Variants in NLGN1 observed in about 807,000 individuals in gnomAD.
NLGN1 encodes neuroligin-1.
A neutral mutation model predicts 65.5 loss-of-function variants in NLGN1; 12 were observed. The observed-to-expected ratio is 0.18, with a 90% CI of 0.12 to 0.30. The LOEUF (loss-of-function observed/expected upper bound fraction) is 0.30, where lower values mean the gene tolerates loss of function less well. Among genes scored for constraint, NLGN1 ranks in the 10% least tolerant of loss-of-function variants. The probability of loss-of-function intolerance (pLI) is 1.00; values close to 1 mark genes in which losing one functional copy is unlikely to be tolerated. For synonymous variants in NLGN1, 350 were observed against 359.5 expected, an observed-to-expected ratio of 0.97 and a Z score of 0.30; for missense variants, 750 against 1,007.1, an observed-to-expected ratio of 0.74 and a Z score of 3.46.
intron 4 of NLGN1, among the ~76,000 whole-genome samples, chr3:173,951,904 T>C (rs1177314834): frequency 6.6e-6 from 1 of 152,240 alleles, no homozygotes; most frequent in Non-Finnish European, 1.5e-5. Flanking sequence ...CATAATTTTA[T>C]TATGGCTTAG....
At chr3:173,844,647 C>T (rs1274659960) in intron 4 of NLGN1, among the ~76,000 whole-genome samples, 1 of 152,108 alleles carries the variant, frequency 6.6e-6, no homozygotes, top group Non-Finnish European at 1.5e-5. Context: ...ATTTAGAGTT[C>T]TTGATTTAGG....
rs1336810706 is a variant in NLGN1, at chr3:173,956,189, G to A, written c.646+148357G>A. Among the ~76,000 whole-genome samples, 23 of 152,058 alleles carry A rather than the reference G, an allele frequency of 1.5e-4. No individual in the cohort carries two copies. In the South Asian group the frequency reaches 1.7e-3, roughly 11 times the overall value. ...TGTCTTTTTAAAATAAATAAATCAAGCAGAGAGATGCAAAGGGACTTATTT... is the reference window on the plus strand; with the variant it reads ...TGTCTTTTTAAAATAAATAAATCAAACAGAGAGATGCAAAGGGACTTATTT... On this transcript the variant is annotated intron_variant, in intron 4 of 6. Coordinates refer to ENST00000457714, the Ensembl canonical transcript of NLGN1.
intron 4 of NLGN1, among the ~76,000 whole-genome samples, chr3:174,255,626 TTTC>T (rs1444943782): frequency 7.5e-6 from 1 of 133,728 alleles, no homozygotes; most frequent in East Asian, 2.2e-4. Context: ...TTTCTCTTTC[TTTC>T]TTTTCTTCTA....
intron 4 of NLGN1, among the ~76,000 whole-genome samples, chr3:173,882,292 G>A (rs1331531919): frequency 6.6e-6 from 1 of 152,102 alleles, no homozygotes; most frequent in Non-Finnish European, 1.5e-5. Context: ...TTTGGAGTGG[G>A]AATTGGCTTC....
intron 4 of NLGN1, among the ~76,000 whole-genome samples, chr3:174,050,331 T>C (rs1440631618): frequency 6.6e-6 from 1 of 152,088 alleles, no homozygotes; most frequent in Non-Finnish European, 1.5e-5. Context: ...ATCATGTTTT[T>C]ACTTGGTACC....
intron 3 of NLGN1, among the ~76,000 whole-genome samples, chr3:173,754,024 C>CTTTTTTTTTT (rs71162358): frequency 9.9e-5 from 12 of 121,618 alleles, no homozygotes; most frequent in Non-Finnish European, 1.7e-4. Context: ...TCTTTCTTTT[C>CTTTTTTTTTT]TTTTTTTTTT....
At chr3:173,891,989 A>G (rs1425037457) in intron 4 of NLGN1, among the ~76,000 whole-genome samples, 2 of 152,216 alleles carry the variant, frequency 1.3e-5, no homozygotes, top group Non-Finnish European at 1.5e-5. Context: ...TTATGTTTCT[A>G]GAAGCAGGAG....
At chr3:173,616,379 A>G (rs1753079117) in intron 3 of NLGN1, among the ~76,000 whole-genome samples, 1 of 152,054 alleles carries the variant, frequency 6.6e-6, no homozygotes, top group African/African-American at 2.4e-5. Flanking sequence ...GAGACACGCA[A>G]ACAAACAGAA....
intron 3 of NLGN1, among the ~76,000 whole-genome samples, chr3:173,756,096 C>T (rs554712374): frequency 2.0e-5 from 3 of 151,708 alleles, no homozygotes; most frequent in East Asian, 3.9e-4. Context: ...TCAGTAATTC[C>T]GTTGTTAATG....
intron 4 of NLGN1, among the ~76,000 whole-genome samples, chr3:173,866,878 C>T (rs6445124): frequency 1 from 151,825 of 152,294 alleles, 75,680 homozygotes; most frequent in East Asian, 1. Flanking sequence ...AATTGTTCCA[C>T]AAAGATAAAG....
chr3:173,667,787 G>A (rs1243031884), intron 3 of NLGN1, among the ~76,000 whole-genome samples: 2 of 151,908 alleles, frequency 1.3e-5, no homozygotes, highest in Non-Finnish European at 2.9e-5. Flanking sequence ...GCACCACCAC[G>A]CCTGGCTCAC....
At chr3:173,565,542 G>A (rs116276156) in intron 2 of NLGN1, among the ~76,000 whole-genome samples, 3,589 of 152,198 alleles carry the variant, frequency 0.024, 55 homozygotes, top group Middle Eastern at 0.048. Flanking sequence ...TGGGCATAGG[G>A]GAGGGTAGGA....
chr3:173,490,003 A>C (rs577931516), intron 2 of NLGN1, among the ~76,000 whole-genome samples: 2 of 152,212 alleles, frequency 1.3e-5, no homozygotes, highest in South Asian at 4.1e-4. Flanking sequence ...TCAGATGAGT[A>C]GGTTGCAAAC....
intron 4 of NLGN1, among the ~76,000 whole-genome samples, chr3:174,113,955 A>G (rs1715789501): frequency 6.6e-6 from 1 of 152,144 alleles, no homozygotes; most frequent in Admixed American, 6.6e-5. Flanking sequence ...AACTGATAGA[A>G]CTTAACTACC....
intron 4 of NLGN1, among the ~76,000 whole-genome samples, chr3:174,050,072 T>C (rs1048344423): frequency 2.0e-5 from 3 of 152,114 alleles, no homozygotes; most frequent in African/African-American, 7.2e-5. Flanking sequence ...TTTATAACAT[T>C]TATTAAAAAG....
chr3:174,155,659 A>T (rs1159159086), intron 4 of NLGN1, among the ~76,000 whole-genome samples: 1 of 151,790 alleles, frequency 6.6e-6, no homozygotes, highest in African/African-American at 2.4e-5. Context: ...CTGGCTAAAG[A>T]TGCCTTATAT....
At chr3:174,268,118 C>T (rs1430728083) in intron 4 of NLGN1, among the ~76,000 whole-genome samples, 3 of 152,146 alleles carry the variant, frequency 2.0e-5, no homozygotes, top group Non-Finnish European at 4.4e-5. Context: ...TGTCATGCTT[C>T]GAAGTGCACT....
chr3:173,770,153 C>A (rs1779371959), intron 3 of NLGN1, among the ~76,000 whole-genome samples: 1 of 152,156 alleles, frequency 6.6e-6, no homozygotes, highest in South Asian at 2.1e-4. Flanking sequence ...AATAAGGAAA[C>A]TTTTGCTTAT....
intron 2 of NLGN1, among the ~76,000 whole-genome samples, chr3:173,454,540 G>A (rs1025277097): frequency 6.6e-6 from 1 of 152,132 alleles, no homozygotes; most frequent in African/African-American, 2.4e-5. Flanking sequence ...CAGCTTCTAT[G>A]TCAGCACTTT....
Sources: allele counts gnomAD v4.1 joint callset (sites outside exome capture counted in the v4.1 genomes callset), GRCh38; gene constraint gnomAD v4.1.1; transcripts MANE v1.5; gene names NCBI Gene and HGNC (gene_info 2026-07-23, HGNC 2026-07-21).